LRRC4C: variants seen among roughly 807,000 people sequenced by gnomAD.
LRRC4C encodes the protein leucine rich repeat containing 4C, also known as leucine-rich repeat-containing protein 4C.
A neutral mutation model predicts 33.6 loss-of-function variants in LRRC4C; 5 were observed. That is an observed-to-expected ratio of 0.15 (90% confidence interval 0.08 to 0.31). The LOEUF (loss-of-function observed/expected upper bound fraction) is 0.31, where lower values mean the gene tolerates loss of function less well. Ranked by LOEUF, LRRC4C falls within the 10% of genes least tolerant of loss-of-function variation. The pLI, the probability that LRRC4C is intolerant of heterozygous loss-of-function variation, is 1.00. For missense variants in LRRC4C, 560 were observed against 796.7 expected, an observed-to-expected ratio of 0.70 and a Z score of 3.58; for synonymous variants, 329 against 302.0, an observed-to-expected ratio of 1.09 and a Z score of -0.93.
intron 1 of LRRC4C, among the ~76,000 whole-genome samples, chr11:41,354,146 G>A (rs1490835992): frequency 6.6e-6 from 1 of 152,006 alleles, no homozygotes; most frequent in Non-Finnish European, 1.5e-5. Context: ...CTGGCCAAAG[G>A]CTCCTATAAC....
chr11:41,347,155 C>T (rs2137531414), intron 1 of LRRC4C, among the ~76,000 whole-genome samples: 1 of 152,290 alleles, frequency 6.6e-6, no homozygotes, highest in Admixed American at 6.5e-5. Flanking sequence ...TGGTAGTACA[C>T]ATGGCATTGC....
chr11:40,442,595 C>A (rs1301817774), intron 3 of LRRC4C, among the ~76,000 whole-genome samples: 5 of 152,164 alleles, frequency 3.3e-5, no homozygotes, highest in Non-Finnish European at 7.3e-5. Context: ...GAGAACCCGA[C>A]CTTTAAACTC....
At chr11:41,145,356 A>G (rs910921964) in intron 1 of LRRC4C, among the ~76,000 whole-genome samples, 1 of 152,200 alleles carries the variant, frequency 6.6e-6, no homozygotes, top group Non-Finnish European at 1.5e-5. Flanking sequence ...CTCATAATTA[A>G]TAATTGAGTT....
intron 1 of LRRC4C, among the ~76,000 whole-genome samples, chr11:41,397,765 C>T (rs1189767615): frequency 6.6e-6 from 1 of 151,570 alleles, no homozygotes. Context: ...TCTTATAAAA[C>T]TAAGGCTAGC....
chr11:41,179,490 T>C (rs1487181234), intron 1 of LRRC4C, among the ~76,000 whole-genome samples: 2 of 152,322 alleles, frequency 1.3e-5, no homozygotes, highest in East Asian at 1.9e-4. Flanking sequence ...GACTTTCTTC[T>C]CATTAACTAT....
chr11:40,193,246 C>A (rs1324324451), intron 5 of LRRC4C, among the ~76,000 whole-genome samples: 1 of 152,128 alleles, frequency 6.6e-6, no homozygotes, highest in Non-Finnish European at 1.5e-5. Context: ...GAGGAAGCTT[C>A]CAGAGGAGGA....
intron 1 of LRRC4C, among the ~76,000 whole-genome samples, chr11:41,080,512 C>A (rs779854273): frequency 6.6e-6 from 1 of 151,794 alleles, no homozygotes; most frequent in Non-Finnish European, 1.5e-5. Context: ...CCACTATGCC[C>A]GGCAAATTTT....
chr11:40,809,596 C>T (rs1951399147), intron 2 of LRRC4C, among the ~76,000 whole-genome samples: 1 of 151,966 alleles, frequency 6.6e-6, no homozygotes, highest in Non-Finnish European at 1.5e-5. Context: ...TCCCCTCCTC[C>T]ACACAGAAAA....
chr11:40,624,671 G>A (rs77361861), intron 3 of LRRC4C, among the ~76,000 whole-genome samples: 2,385 of 152,222 alleles, frequency 0.016, 70 homozygotes, highest in African/African-American at 0.054. Flanking sequence ...CATACACTTG[G>A]CTGGTTGTCT....
At chr11:41,238,158 T>A (rs1948102966) in intron 1 of LRRC4C, among the ~76,000 whole-genome samples, 1 of 152,212 alleles carries the variant, frequency 6.6e-6, no homozygotes, top group African/African-American at 2.4e-5. Context: ...AATGTATTAA[T>A]GTGCTCATTA....
At chr11:41,085,164 G>A (rs1173608822) in intron 1 of LRRC4C, among the ~76,000 whole-genome samples, 1 of 152,166 alleles carries the variant, frequency 6.6e-6, no homozygotes, top group East Asian at 1.9e-4. Flanking sequence ...ATGGACAGAA[G>A]TAAACTGAAA....
At chr11:40,549,963 C>T (rs969333033) in intron 3 of LRRC4C, among the ~76,000 whole-genome samples, 4 of 151,934 alleles carry the variant, frequency 2.6e-5, no homozygotes, top group African/African-American at 9.7e-5. Context: ...TGTTAACTGA[C>T]AAAATTAAAC....
At chr11:41,231,102 A>T (rs1199047623) in intron 1 of LRRC4C, among the ~76,000 whole-genome samples, 1 of 151,974 alleles carries the variant, frequency 6.6e-6, no homozygotes, top group Non-Finnish European at 1.5e-5. Context: ...ATCATTAAAT[A>T]GTCAGGAAAC....
intron 6 of LRRC4C, among the ~76,000 whole-genome samples, chr11:40,140,012 C>T (rs2134958804): frequency 6.6e-6 from 1 of 152,222 alleles, no homozygotes; most frequent in South Asian, 2.1e-4. Context: ...TGTAGTTTTC[C>T]ACCTACTGTG....
chr11:40,194,547 A>T (rs1862092497), intron 5 of LRRC4C, among the ~76,000 whole-genome samples: 1 of 149,408 alleles, frequency 6.7e-6, no homozygotes, highest in African/African-American at 2.5e-5. Flanking sequence ...ACATGTTCTC[A>T]CTCATAAGTG....
chr11:41,068,260 G>A (rs866212542), intron 1 of LRRC4C, among the ~76,000 whole-genome samples: 2 of 152,100 alleles, frequency 1.3e-5, no homozygotes, highest in Non-Finnish European at 2.9e-5. Flanking sequence ...GGGCATGGTG[G>A]CAAGTTCCTA....
chr11:40,530,965 T>TA (rs1442246672), intron 3 of LRRC4C, among the ~76,000 whole-genome samples: 1 of 152,118 alleles, frequency 6.6e-6, no homozygotes, highest in Non-Finnish European at 1.5e-5. Flanking sequence ...TTGTTATTCC[T>TA]AAAATGGAGT....
At chr11:40,507,197 T>G (rs1015832932) in intron 3 of LRRC4C, among the ~76,000 whole-genome samples, 1 of 151,934 alleles carries the variant, frequency 6.6e-6, no homozygotes, top group African/African-American at 2.4e-5. Context: ...CTAGCAAAAA[T>G]TACATAAATA....
chr11:40,622,196 C>G (rs946234954), intron 3 of LRRC4C, among the ~76,000 whole-genome samples: 1 of 151,900 alleles, frequency 6.6e-6, no homozygotes, highest in Non-Finnish European at 1.5e-5. Flanking sequence ...TACATGCATA[C>G]TTTGGATTGT....
Sources: gnomAD v4.1 joint callset for allele counts (sites outside exome capture counted in the v4.1 genomes callset) on GRCh38, gnomAD v4.1.1 for gene constraint, MANE v1.5 for transcripts, NCBI Gene and HGNC (gene_info 2026-07-23, HGNC 2026-07-21) for gene names.